RALGDS: variants seen among roughly 807,000 people sequenced by gnomAD.
RALGDS encodes the protein ral guanine nucleotide exchange factor.
In RALGDS, 44 loss-of-function variants were observed where a neutral mutation model predicts 99.8. The observed-to-expected ratio is 0.44, with a 90% CI of 0.35 to 0.57. The LOEUF (loss-of-function observed/expected upper bound fraction) is 0.57, where lower values mean the gene tolerates loss of function less well. RALGDS is among the 20% of genes least tolerant of loss of function. The probability of loss-of-function intolerance (pLI) is 0.01; values close to 1 mark genes in which losing one functional copy is unlikely to be tolerated. For synonymous variants in RALGDS, 529 were observed against 505.0 expected (o/e 1.05, Z -0.64); for missense variants, 1,022 against 1,203.1 (o/e 0.85, Z 2.23).
intron 1 of RALGDS, among the ~76,000 whole-genome samples, chr9:133,143,771 T>TAATAAC (rs1554745676): frequency 0.014 from 1,592 of 111,380 alleles, 14 homozygotes; most frequent in African/African-American, 0.019. Context: ...ATAATAATAA[T>TAATAAC]AACAACAACA....
At chr9:133,119,810 T>C (rs902211774) in intron 1 of RALGDS, among the ~76,000 whole-genome samples, 1 of 151,650 alleles carries the variant, frequency 6.6e-6, no homozygotes, top group Non-Finnish European at 1.5e-5. Context: ...CGTGTGGTGT[T>C]CCCCCACCAA....
intron 1 of RALGDS, among the ~76,000 whole-genome samples, chr9:133,136,177 G>A (rs1375312252): frequency 1.3e-5 from 2 of 152,312 alleles, no homozygotes; most frequent in South Asian, 4.1e-4. Flanking sequence ...TTTGGCCTAG[G>A]TCATAATAAG....
intron 1 of RALGDS, among the ~76,000 whole-genome samples, chr9:133,146,030 A>T (rs1459184552): frequency 1.3e-5 from 2 of 152,140 alleles, no homozygotes; most frequent in African/African-American, 2.4e-5. Flanking sequence ...TGGTGCTGTG[A>T]TCTGGGGAAA....
At chr9:133,104,452 G>T in intron 9 of RALGDS, 121 bp from the exon 10 acceptor site, 2 of 917,174 alleles carry the variant, frequency 2.2e-6, no homozygotes, top group Non-Finnish European at 3.5e-6. Flanking sequence ...ACTCACTAGT[G>T]TGGGGTCCTG....
intron 9 of RALGDS, among the ~76,000 whole-genome samples, chr9:133,105,478 G>T (rs1045848954): frequency 6.6e-6 from 1 of 152,134 alleles, no homozygotes; most frequent in African/African-American, 2.4e-5. Flanking sequence ...GGCATCCCCT[G>T]CAGCTCCTGT....
upstream of RALGDS, among the ~76,000 whole-genome samples, chr9:133,131,806 C>T (rs1302035409): frequency 6.6e-6 from 1 of 152,176 alleles, no homozygotes; most frequent in African/African-American, 2.4e-5. Context: ...ACTCTGGAAC[C>T]CTGGGCCAAT....
chr9:133,103,722 C>T, intron 11 of RALGDS, 25 bp downstream of exon 11: 1 of 1,611,956 alleles, frequency 6.2e-7, no homozygotes, highest in Non-Finnish European at 8.5e-7. Context: ...CCGGGCCCTA[C>T]TCCAGCCCCG....
chr9:133,132,483 T>G (rs540528906), upstream of RALGDS, among the ~76,000 whole-genome samples: 5 of 152,174 alleles, frequency 3.3e-5, no homozygotes, highest in African/African-American at 1.2e-4. Context: ...GGGAGGGCTT[T>G]CCCTGAGCCT....
chr9:133,125,748 AAAAG>A (rs1832131571), upstream of RALGDS, among the ~76,000 whole-genome samples: 1 of 152,024 alleles, frequency 6.6e-6, no homozygotes, highest in Non-Finnish European at 1.5e-5. Context: ...AAAAAGAAGA[AAAAG>A]GACACAGCTT....
At chr9:133,137,637 A>G (rs1292971538) in intron 1 of RALGDS, among the ~76,000 whole-genome samples, 2 of 152,232 alleles carry the variant, frequency 1.3e-5, no homozygotes, top group Non-Finnish European at 2.9e-5. Context: ...GCGAGGAGGA[A>G]GGCAGCCAGG....
intron 1 of RALGDS, among the ~76,000 whole-genome samples, chr9:133,119,128 G>A (rs1316253214): frequency 6.6e-6 from 1 of 152,220 alleles, no homozygotes; most frequent in African/African-American, 2.4e-5. Flanking sequence ...GCAGCCCAGA[G>A]GGAAGCACCG....
intron 1 of RALGDS, among the ~76,000 whole-genome samples, chr9:133,119,150 G>C (rs1831771395): frequency 6.6e-6 from 1 of 152,234 alleles, no homozygotes; most frequent in African/African-American, 2.4e-5. Context: ...GTGGAAGCTA[G>C]GTAGGGAAAC....
At chr9:133,103,356 G>T in intron 11 of RALGDS, 94 bp from the exon 12 acceptor site, 1 of 1,494,138 alleles carries the variant, frequency 6.7e-7, no homozygotes, top group African/African-American at 1.4e-5. Context: ...TGCCCACCAG[G>T]GGGCAGGGCA....
Position 133,098,724 on chromosome 9 carries a change from T to C in RALGDS, c.2608A>G (p.Met870Val). 6.2e-7 allele frequency: 1 copy of C among 1,614,050 alleles called. No homozygotes were observed. Among genetic ancestry groups the C allele is most frequent in the Non-Finnish European group, 8.5e-7 (1 of 1,180,002 alleles). The stretch of plus-strand genomic sequence containing the variant: ...AAGTCATAGTTGGCGGTAGAGTTCA[T>C]GGCATAGAAGACGTTGGCGTTTTCA... ...IPENANVFYA[M>V]NSTANYDFVL... Residue 870 changes from methionine (M) to valine (V), a missense_variant, in exon 18 of 18, where the codon ATG becomes GTG. Met to Val is a conservative substitution (Grantham distance 21). Coordinates refer to ENST00000372050, the MANE Select transcript of RALGDS (RefSeq NM_006266.4).
Position 133,108,149 on chromosome 9 carries a change from A to C in RALGDS, c.1036T>G (p.Ser346Ala). The C allele has an allele frequency of 5.6e-6, 9 of 1,609,988 alleles. No individual in the cohort carries two copies. The highest frequency in any genetic ancestry group is 7.6e-6 in the Non-Finnish European group (9 of 1,177,832). ...GCTGGCTCCAGCTCTAGAGTTTGTG[A>C]GGGAGCTGGATCCTGTTCTGGAGCT... ...EPAPEQDPAP[S>A]QTLELEPAPA... Residue 346 changes from serine to alanine, a missense_variant, in exon 6 of 18, where the codon TCA (serine) becomes GCA (alanine). This residue lies in a region of RALGDS where 825 missense variants were observed against 994.5 expected (regional missense o/e 0.83). Coordinates refer to ENST00000372050, the MANE Select transcript of RALGDS (RefSeq NM_006266.4).
intron 1 of RALGDS, among the ~76,000 whole-genome samples, chr9:133,126,565 G>C (rs982650753): frequency 6.6e-6 from 1 of 152,198 alleles, no homozygotes; most frequent in Non-Finnish European, 1.5e-5. Context: ...TGTAGCCAGG[G>C]CATGTGTGGG....
At chr9:133,121,337 G>T, upstream of RALGDS, 1 of 623,102 alleles carries the variant, frequency 1.6e-6, no homozygotes, top group Non-Finnish European at 2.0e-6. Context: ...GAGAGTCCGA[G>T]GGACGCGTGC....
chr9:133,108,606 C>T, intron 5 of RALGDS, 67 bp downstream of exon 5: 1 of 1,584,974 alleles, frequency 6.3e-7, no homozygotes. Flanking sequence ...CTGGAGCCTC[C>T]TCTTCGTGTG....
rs1830802544 is a variant in RALGDS, at chr9:133,102,451, CTACCACCCTTGGCCAGGCCCT to C, written c.2009+4_2009+24del. 6.2e-7 allele frequency: 1 copy of C among 1,608,674 alleles called. No homozygotes were observed. Among genetic ancestry groups the C allele is most frequent in the Non-Finnish European group, 8.5e-7 (1 of 1,175,326 alleles). On this transcript the variant is annotated splice_donor_5th_base_variant and intron_variant, in intron 14 of 17. Coordinates refer to ENST00000372050, the MANE Select transcript of RALGDS (RefSeq NM_006266.4). The stretch of plus-strand genomic sequence containing the variant: ...CTTCTGAGCCCCAAGGCAGCTGCCC[CTACCACCCTTGGCCAGGCCCT>C]TACTCGCTCCAGCGCTTGACAATGG...
Sources: gnomAD v4.1 joint callset for allele counts (sites outside exome capture counted in the v4.1 genomes callset) on GRCh38, gnomAD v4.1.1 for gene constraint, gnomAD v4.1.1 regional missense constraint, MANE v1.5 for transcripts, NCBI Gene and HGNC (gene_info 2026-07-23, HGNC 2026-07-21) for gene names.